The following COL23A1 variants were observed in gnomAD, a reference collection of about 807,000 sequenced individuals.
The protein encoded by COL23A1 is collagen type XXIII alpha 1 chain.
In COL23A1, 97 loss-of-function variants were observed where a neutral mutation model predicts 99.3. The ratio of observed to expected loss-of-function variants is 0.98; its 90% CI spans 0.83 to 1.16. COL23A1 has a LOEUF of 1.16. Ranked by LOEUF, COL23A1 falls within the 50% of genes most tolerant of loss-of-function variation. The pLI is 0.00. For synonymous variants in COL23A1, 320 were observed against 308.2 expected, an observed-to-expected ratio of 1.04 and a Z score of -0.40; for missense variants, 762 against 757.4, an observed-to-expected ratio of 1.01 and a Z score of -0.07.
At chr5:178,364,839 C>T (rs1362271120) in intron 2 of COL23A1, among the ~76,000 whole-genome samples, 4 of 152,182 alleles carry the variant, frequency 2.6e-5, no homozygotes, top group African/African-American at 7.2e-5. Context: ...TATGGGGAAG[C>T]CGGCACCTTG....
intron 2 of COL23A1, among the ~76,000 whole-genome samples, chr5:178,541,234 G>A (rs900254361): frequency 1.3e-5 from 2 of 152,180 alleles, no homozygotes; most frequent in African/African-American, 4.8e-5. Flanking sequence ...CAAGTGTTGG[G>A]GAGGATGCAG....
At chr5:178,447,900 G>T (rs1767253380) in intron 2 of COL23A1, among the ~76,000 whole-genome samples, 1 of 152,166 alleles carries the variant, frequency 6.6e-6, no homozygotes, top group African/African-American at 2.4e-5. Context: ...TCCCGTTTCT[G>T]GTTGGGGCAA....
At chr5:178,413,589 A>G (rs1027962403) in intron 2 of COL23A1, among the ~76,000 whole-genome samples, 1 of 152,238 alleles carries the variant, frequency 6.6e-6, no homozygotes, top group Non-Finnish European at 1.5e-5. Flanking sequence ...CTTTAGTTCA[A>G]TGGGAAAGAC....
At chr5:178,447,118 G>C (rs1250093682) in intron 2 of COL23A1, among the ~76,000 whole-genome samples, 2 of 150,694 alleles carry the variant, frequency 1.3e-5, no homozygotes, top group Non-Finnish European at 2.9e-5. Context: ...TTCTGAGATG[G>C]AGTCTTGCTC....
intron 2 of COL23A1, among the ~76,000 whole-genome samples, chr5:178,504,077 T>C (rs1280719624): frequency 1.3e-5 from 2 of 152,194 alleles, no homozygotes; most frequent in Admixed American, 6.5e-5. Flanking sequence ...TTCCTGGCTG[T>C]ACCAGGTGGA....
At chr5:178,574,396 CT>C (rs948995335) in intron 1 of COL23A1, among the ~76,000 whole-genome samples, 1 of 152,078 alleles carries the variant, frequency 6.6e-6, no homozygotes, top group Non-Finnish European at 1.5e-5. Context: ...TATATCCTTT[CT>C]TTTTTAAGAG....
At chr5:178,357,832 ATGTG>A (rs200338482) in intron 2 of COL23A1, among the ~76,000 whole-genome samples, 22 of 138,978 alleles carry the variant, frequency 1.6e-4, no homozygotes, top group South Asian at 4.6e-4. Context: ...GTTTATGTGT[ATGTG>A]TGTGTATGTC....
At chr5:178,523,195 TATATATAG>T (rs1450216066) in intron 2 of COL23A1, among the ~76,000 whole-genome samples, 45 of 78,856 alleles carry the variant, frequency 5.7e-4, no homozygotes, top group African/African-American at 1.6e-3. Context: ...TATATATATA[TATATATAG>T]AGAGAGAGAG....
At chr5:178,319,246 C>T (rs1759149982) in intron 2 of COL23A1, among the ~76,000 whole-genome samples, 3 of 152,180 alleles carry the variant, frequency 2.0e-5, no homozygotes, top group African/African-American at 7.2e-5. Context: ...TGTTGGAAAA[C>T]AGGCTCCAGA....
At chr5:178,261,211 G>A (rs10035408) in intron 11 of COL23A1, among the ~76,000 whole-genome samples, 4,936 of 152,170 alleles carry the variant, frequency 0.032, 128 homozygotes, top group Middle Eastern at 0.075. Flanking sequence ...TCAGGAGTTC[G>A]AGACTAGCCT....
chr5:178,570,426 G>A (rs2113646479), intron 1 of COL23A1, among the ~76,000 whole-genome samples: 1 of 152,032 alleles, frequency 6.6e-6, no homozygotes. Flanking sequence ...TCTTACTTTT[G>A]ACCAATGTAC....
intron 7 of COL23A1, among the ~76,000 whole-genome samples, chr5:178,268,387 T>A (rs961144091): frequency 6.6e-6 from 1 of 152,150 alleles, no homozygotes; most frequent in Non-Finnish European, 1.5e-5. Context: ...GAGAATACCA[T>A]TAACAGTCAT....
At chr5:178,380,925 C>A (rs534229089) in intron 2 of COL23A1, among the ~76,000 whole-genome samples, 1 of 152,314 alleles carries the variant, frequency 6.6e-6, no homozygotes, top group African/African-American at 2.4e-5. Flanking sequence ...AGGGCAAAGA[C>A]GCACCCTGGA....
intron 3 of COL23A1, 68 bp from the exon 4 acceptor site, chr5:178,290,437 C>T (rs1333508438): frequency 1.2e-5 from 19 of 1,606,928 alleles, no homozygotes; most frequent in South Asian, 4.4e-5. Context: ...GTCCTCAGCA[C>T]GGTCCCCTCA....
intron 2 of COL23A1, among the ~76,000 whole-genome samples, chr5:178,312,441 C>G (rs1461785340): frequency 6.6e-6 from 1 of 152,172 alleles, no homozygotes; most frequent in Non-Finnish European, 1.5e-5. Flanking sequence ...CCATTTCTAA[C>G]TCATAAAAAT....
rs1378746720 is a variant in COL23A1 at position 178,365,994 on chromosome 5, TCA to T, written c.362-59077_362-59076del. 6.6e-6 allele frequency among the ~76,000 whole-genome samples: 1 copy of T among 152,080 alleles called. No homozygotes were observed. Among genetic ancestry groups the T allele is most frequent in the Admixed American group, 6.5e-5 (1 of 15,274 alleles). On this transcript the variant is annotated intron_variant, in intron 2 of 28. Coordinates refer to ENST00000390654, the MANE Select transcript of COL23A1 (RefSeq NM_173465.4). The surrounding 1 kb of genome is among the most constrained non-coding windows in gnomAD (Gnocchi z 5.2). ...CCCACTCCAGCCCTCCTCAAGTGGG[TCA>T]CTCCTCACGGCCTGTGAGTTCACCT...
rs35213717 is a variant in COL23A1 at position 178,448,910 on chromosome 5, G to GT, written c.361+111771dup. On this transcript the variant is annotated intron_variant, in intron 2 of 28. Transcript: ENST00000390654. The stretch of plus-strand genomic sequence containing the variant: ...AGCCTTCAGAACTGTAAGAAATAAA[G>GT]TTTTTTTTTTTTTTAAATAAACCAT... 2.6e-3 allele frequency among the ~76,000 whole-genome samples: 376 copies of GT among 144,000 alleles called. 2 individuals carry two copies. Among genetic ancestry groups the GT allele is most frequent in the East Asian group, 7.3e-3 (36 of 4,924 alleles). The allele number at this position is 144,000 out of a possible 152,430, so 94.5% of individuals were successfully genotyped here.
chr5:178,429,168 T>C (rs1432219728), intron 2 of COL23A1, among the ~76,000 whole-genome samples: 1 of 152,128 alleles, frequency 6.6e-6, no homozygotes, highest in African/African-American at 2.4e-5. Flanking sequence ...AGGTGGGTAT[T>C]ACCTCATCCT....
At chr5:178,461,881 G>A (rs1466156240) in intron 2 of COL23A1, among the ~76,000 whole-genome samples, 1 of 152,244 alleles carries the variant, frequency 6.6e-6, no homozygotes, top group African/African-American at 2.4e-5. Flanking sequence ...GGAGAACACA[G>A]ACAATGAATT....
Sources: gnomAD v4.1 joint callset for allele counts (sites outside exome capture counted in the v4.1 genomes callset) on GRCh38, gnomAD v4.1.1 for gene constraint, Gnocchi (gnomAD v3.1) non-coding constraint, MANE v1.5 for transcripts, NCBI Gene and HGNC (gene_info 2026-07-23, HGNC 2026-07-21) for gene names.